Variants in ANK1 observed in about 807,000 individuals in gnomAD.
The protein encoded by ANK1 is ankyrin 1.
Under a neutral mutation model 210.4 loss-of-function variants are expected in ANK1, and 51 were observed. That is an observed-to-expected ratio of 0.24 (90% CI 0.19 to 0.31). The LOEUF is 0.31. Among genes scored for constraint, ANK1 ranks in the 10% least tolerant of loss-of-function variants. The pLI is 1.00. For synonymous variants in ANK1, 967 were observed against 1,025.9 expected, an observed-to-expected ratio of 0.94 and a Z score of 1.10; for missense variants, 2,051 against 2,504.4, an observed-to-expected ratio of 0.82 and a Z score of 3.86.
chr8:41,696,078 C>T (rs1307267126), intron 26 of ANK1, among the ~76,000 whole-genome samples: 1 of 152,184 alleles, frequency 6.6e-6, no homozygotes. Flanking sequence ...TTTACAACGA[C>T]GGGGTCTTGC....
chr8:41,724,289 T>G (rs73619358), intron 7 of ANK1, among the ~76,000 whole-genome samples, 167 bp downstream of exon 7: 1 of 152,140 alleles, frequency 6.6e-6, no homozygotes, highest in Non-Finnish European at 1.5e-5. Context: ...AGGTGGAAAC[T>G]GGGGGGTAGA....
intron 42 of ANK1, among the ~76,000 whole-genome samples, chr8:41,657,841 C>T (rs1806309707): frequency 6.6e-6 from 1 of 152,160 alleles, no homozygotes; most frequent in Non-Finnish European, 1.5e-5. Flanking sequence ...TCCTGGGTCC[C>T]CTCACCTTTC....
intron 1 of ANK1, among the ~76,000 whole-genome samples, chr8:41,813,443 G>A (rs1344479684): frequency 1.3e-5 from 2 of 152,108 alleles, no homozygotes; most frequent in Non-Finnish European, 2.9e-5. Context: ...GAAACATGAA[G>A]GCCAGAATAT....
intron 1 of ANK1, among the ~76,000 whole-genome samples, chr8:41,765,224 TTCTC>T (rs1321275350): frequency 2.0e-5 from 3 of 151,276 alleles, no homozygotes; most frequent in Non-Finnish European, 4.4e-5. Flanking sequence ...TTCTTTCTTT[TTCTC>T]TCTCTCTCTT....
chr8:41,764,771 C>A (rs1203612500), intron 1 of ANK1, among the ~76,000 whole-genome samples: 2 of 152,226 alleles, frequency 1.3e-5, no homozygotes, highest in Non-Finnish European at 2.9e-5. Flanking sequence ...TCCCTGCTGC[C>A]TAATCAATGT....
intron 1 of ANK1, among the ~76,000 whole-genome samples, chr8:41,855,824 G>A (rs1463855385): frequency 3.3e-5 from 5 of 151,962 alleles, no homozygotes; most frequent in Non-Finnish European, 5.9e-5. Context: ...CTTGCCAAGT[G>A]GAAAATCCTA....
Position 41,694,755 on chromosome 8 carries a change from A to G in ANK1, c.3164T>C (p.Ile1055Thr). ...ELEKKRVCRIITTDFPLYFVI... is the reference protein window; with the variant it reads ...ELEKKRVCRITTTDFPLYFVI... ...GAAGTACAGCGGGAAGTCGGTGGTGATGATTCGGCACACCCTCTTCTTCTC... is the reference window on the plus strand; with the variant it reads ...GAAGTACAGCGGGAAGTCGGTGGTGGTGATTCGGCACACCCTCTTCTTCTC... The change falls in exon 28 of 43, where the codon ATC (isoleucine) becomes ACC (threonine). Residue 1055 changes from isoleucine to threonine, a missense_variant. Coordinates refer to ENST00000289734, the MANE Select transcript of ANK1 (RefSeq NM_000037.4). The surrounding 1 kb of genome is among the most constrained non-coding windows in gnomAD (Gnocchi z 5.7). 1 of 1,614,042 alleles carries G rather than the reference A, an allele frequency of 6.2e-7. No individual in the cohort carries two copies.
Position 41,677,665 on chromosome 8 carries a change from C to T in ANK1, c.4538-4753G>A, listed in dbSNP as rs188781599. On this transcript the variant is annotated intron_variant, in intron 37 of 42. Transcript: ENST00000289734. ...AGTGCAATGGTGCAATCTTGGTTCA[C>T]TGCAACCTCTGCCTCCTGGGCTCAA... is the stretch of plus-strand genomic sequence containing the variant. 6.0e-4 allele frequency among the ~76,000 whole-genome samples: 91 copies of T among 151,702 alleles called. 4 individuals are homozygous for T. The East Asian group carries it at 0.013, about 22-fold the overall frequency.
chr8:41,824,973 G>A (rs1296816988), intron 1 of ANK1, among the ~76,000 whole-genome samples: 1 of 152,186 alleles, frequency 6.6e-6, no homozygotes, highest in Non-Finnish European at 1.5e-5. Context: ...CCTTCCACTG[G>A]TCTCAAGTGG....
chr8:41,877,743 G>T (rs1285750888), intron 1 of ANK1, among the ~76,000 whole-genome samples: 1 of 152,240 alleles, frequency 6.6e-6, no homozygotes, highest in Non-Finnish European at 1.5e-5. Context: ...TCGCTGGAGA[G>T]CAGTCGTCTG....
At chr8:41,852,499 C>A (rs965992752) in intron 1 of ANK1, among the ~76,000 whole-genome samples, 1 of 152,202 alleles carries the variant, frequency 6.6e-6, no homozygotes, top group Non-Finnish European at 1.5e-5. Context: ...GGGGGACATA[C>A]AGAGGAAGAG....
intron 1 of ANK1, among the ~76,000 whole-genome samples, chr8:41,805,064 CTGTG>C (rs35873178): frequency 2.0e-5 from 3 of 147,968 alleles, no homozygotes; most frequent in Admixed American, 6.7e-5. Context: ...TTCTTTCTCT[CTGTG>C]TGTGTGTGTG....
chr8:41,802,995 G>GAAAGAAAGAA (rs1554630755), intron 1 of ANK1, among the ~76,000 whole-genome samples: 1 of 57,492 alleles, frequency 1.7e-5, no homozygotes, highest in African/African-American at 6.7e-5. Flanking sequence ...GAGAGAAAGA[G>GAAAGAAAGAA]AGAAAGAAAG....
rs1210846027 is a variant in ANK1 at position 41,708,990 on chromosome 8, G to A, written c.1801-15C>T. 6.2e-7 allele frequency: 1 copy of A among 1,613,352 alleles called. No individual in the cohort carries two copies. Among genetic ancestry groups the A allele is most frequent in the East Asian group, 2.2e-5 (1 of 44,882 alleles). On this transcript the variant is annotated splice_polypyrimidine_tract_variant and intron_variant, in intron 16 of 42. Coordinates refer to ENST00000289734, the MANE Select transcript of ANK1 (RefSeq NM_000037.4). Reference sequence around the variant, plus strand: ...GTGTAGCCATTCTGAAACAGAAGAAGCCGCCCAGAGCCTGGTTACAGGAAT... The same window carrying A: ...GTGTAGCCATTCTGAAACAGAAGAAACCGCCCAGAGCCTGGTTACAGGAAT...
At chr8:41,800,758 G>A (rs1412322860), upstream of ANK1, among the ~76,000 whole-genome samples, 3 of 152,048 alleles carry the variant, frequency 2.0e-5, no homozygotes, top group Non-Finnish European at 2.9e-5. Flanking sequence ...ACGGCATCTC[G>A]CTCTGTCACC....
rs886062938 is a variant in ANK1 at position 41,684,557 on chromosome 8, G to T, written c.4524C>A (p.Pro1508=). 4 of 1,613,808 alleles carry T rather than the reference G, an allele frequency of 2.5e-6. No homozygotes were observed. The highest frequency in any genetic ancestry group is 3.4e-6 in the Non-Finnish European group (4 of 1,180,054). The part of the protein sequence containing the change: ...RHTDRDYSLS[P]SQMNGYSSLQ... ...GGTGACACTCACCATTCATCTGGGA[G>T]GGTGACAGCGAGTAGTCGCGGTCGG... The change falls in exon 37 of 43, where the codon CCC becomes CCA. Residue 1508 remains proline (P), a synonymous_variant. Coordinates refer to ENST00000289734, the MANE Select transcript of ANK1 (RefSeq NM_000037.4).
chr8:41,879,528 GC>G (rs1817207682), intron 1 of ANK1, among the ~76,000 whole-genome samples: 1 of 152,192 alleles, frequency 6.6e-6, no homozygotes, highest in African/African-American at 2.4e-5. Flanking sequence ...TTCAAGGAGT[GC>G]AATGCCAGAG....
chr8:41,730,870 G>A (rs1296122620), intron 3 of ANK1, among the ~76,000 whole-genome samples: 1 of 152,216 alleles, frequency 6.6e-6, no homozygotes, highest in African/African-American at 2.4e-5. Context: ...CCAGCATGGA[G>A]GCACAGAGGC....
At chr8:41,804,735 AT>A (rs955926907) in intron 1 of ANK1, among the ~76,000 whole-genome samples, 1 of 152,144 alleles carries the variant, frequency 6.6e-6, no homozygotes, top group Non-Finnish European at 1.5e-5. Context: ...TGAAAACTTG[AT>A]TCTCATTCGC....
Sources: allele counts gnomAD v4.1 joint callset (sites outside exome capture counted in the v4.1 genomes callset), GRCh38; gene constraint gnomAD v4.1.1; non-coding constraint Gnocchi (gnomAD v3.1); transcripts MANE v1.5; gene names NCBI Gene and HGNC (gene_info 2026-07-23, HGNC 2026-07-21).